The following SACM1L variants were observed in gnomAD, a reference collection of about 807,000 sequenced individuals.
SACM1L encodes the protein phosphatidylinositol-3-phosphatase SAC1.
A neutral mutation model predicts 89.5 loss-of-function variants in SACM1L; 32 were observed. That is an observed-to-expected ratio of 0.36 (90% CI 0.27 to 0.48). The LOEUF (loss-of-function observed/expected upper bound fraction) is 0.48. Among genes scored for constraint, SACM1L ranks in the 20% least tolerant of loss-of-function variants. The probability of loss-of-function intolerance (pLI) is 0.99; values close to 1 mark genes in which losing one functional copy is unlikely to be tolerated. For synonymous variants in SACM1L, 213 were observed against 232.8 expected (o/e 0.92, Z 0.77); for missense variants, 543 against 708.5 (o/e 0.77, Z 2.65).
chr3:45,695,997 C>CTTTTTT (rs56074379), intron 1 of SACM1L, among the ~76,000 whole-genome samples: 2 of 134,228 alleles, frequency 1.5e-5, no homozygotes, highest in Non-Finnish European at 3.2e-5. Flanking sequence ...TCAGAATTTC[C>CTTTTTT]TTTTTTTTTT....
At position 45,710,201 on chromosome 3, in the gene SACM1L, CT is replaced by C. The variant is rs556443344; in HGVS notation, c.483+567del. Among the ~76,000 whole-genome samples the C allele has an allele frequency of 6.0e-3, 848 of 142,204 alleles. 4 individuals carry two copies. The highest frequency in any genetic ancestry group is 0.017 in the African/African-American group (668 of 39,170). 93.3% of individuals were successfully genotyped at this position (142,204 alleles called of 152,430 possible). A position where few individuals can be genotyped will look rare whatever the true frequency, so the allele number is the denominator to read the frequency against. On this transcript the variant is annotated intron_variant, in intron 5 of 19. Transcript: ENST00000389061. ...TCCTTTTAAGGTTTTTTTTATTTTG[CT>C]TTTTTTTTTTTTCTTTGAGACAGAG...
chr3:45,692,222 C>G (rs190572596), intron 1 of SACM1L, among the ~76,000 whole-genome samples: 5 of 152,260 alleles, frequency 3.3e-5, no homozygotes, highest in Admixed American at 3.3e-4. Context: ...GTTTTGTGTC[C>G]TGGGCATAGT....
chr3:45,692,927 C>G (rs1309225134), intron 1 of SACM1L, among the ~76,000 whole-genome samples: 3 of 152,176 alleles, frequency 2.0e-5, no homozygotes, highest in Admixed American at 6.5e-5. Flanking sequence ...GTGACTCTTA[C>G]TGACAGAGAT....
chr3:45,731,501 A>C (rs1010723468), intron 12 of SACM1L, 121 bp downstream of exon 12: 21 of 514,450 alleles, frequency 4.1e-5, no homozygotes, highest in Non-Finnish European at 3.7e-5. Flanking sequence ...ATAGTAGATC[A>C]AAGCATGATA....
intron 11 of SACM1L, among the ~76,000 whole-genome samples, chr3:45,728,961 A>G (rs1698986850): frequency 6.6e-6 from 1 of 152,216 alleles, no homozygotes; most frequent in South Asian, 2.1e-4. Context: ...GATGTGAGCC[A>G]CCATTCCTGA....
intron 12 of SACM1L, 82 bp downstream of exon 12, chr3:45,731,462 G>C (rs921321320): frequency 2.1e-5 from 17 of 813,368 alleles, no homozygotes; most frequent in African/African-American, 3.6e-5. Context: ...GAGCTCACTA[G>C]ACATATGTTT....
At chr3:45,697,703 T>C (rs1483254884) in intron 1 of SACM1L, among the ~76,000 whole-genome samples, 2 of 152,348 alleles carry the variant, frequency 1.3e-5, no homozygotes, top group South Asian at 2.1e-4. Context: ...TCTTCCATAG[T>C]ATGTGTCTTA....
chr3:45,743,740 C>T lies in SACM1L; in HGVS notation c.*71C>T, dbSNP rs1478201105. ...CAGAACTGGAGTCTTTACTGACCCG[C>T]TTTCCACATCAGCCCAAGGTCTTTT... On this transcript the variant is annotated 3_prime_UTR_variant, in exon 20 of 20. Transcript: ENST00000389061. The T allele has an allele frequency of 1.3e-6, 2 of 1,507,048 alleles. No individual in the cohort carries two copies. Among genetic ancestry groups the T allele is most frequent in the East Asian group, 4.6e-5 (2 of 43,718 alleles). 93.4% of individuals were successfully genotyped at this position (1,507,048 alleles called of 1,614,324 possible). A position where few individuals can be genotyped will look rare whatever the true frequency, so the allele number is the denominator to read the frequency against.
At chr3:45,725,285 C>T (rs1698891584) in intron 11 of SACM1L, among the ~76,000 whole-genome samples, 1 of 138,096 alleles carries the variant, frequency 7.2e-6, no homozygotes, top group African/African-American at 2.8e-5. Context: ...TTGACTAGTA[C>T]TGTCGTCTTA....
At chr3:45,715,579 G>C (rs1320923547) in intron 7 of SACM1L, among the ~76,000 whole-genome samples, 1 of 152,168 alleles carries the variant, frequency 6.6e-6, no homozygotes, top group Non-Finnish European at 1.5e-5. Context: ...TTCGAGACCA[G>C]TCTGGACAAC....
At chr3:45,724,589 T>C (rs774993408) in intron 11 of SACM1L, among the ~76,000 whole-genome samples, 118 of 152,244 alleles carry the variant, frequency 7.8e-4, no homozygotes, top group Middle Eastern at 3.4e-3. Context: ...TCCCACTCTT[T>C]AGGTTGATTT....
At chr3:45,690,497 C>T (rs1697952382) in intron 1 of SACM1L, 1 of 152,170 alleles carries the variant, frequency 6.6e-6, no homozygotes, top group African/African-American at 2.4e-5. Context: ...GGAAATGACA[C>T]CAAAATGTGG....
At chr3:45,739,702 A>G in intron 19 of SACM1L, 58 bp downstream of exon 19, 1 of 1,524,168 alleles carries the variant, frequency 6.6e-7, no homozygotes, top group Non-Finnish European at 9.1e-7. Context: ...CTTTTACAAC[A>G]TCTTAAGTTT....
At chr3:45,691,013 G>A (rs1697974450) in intron 1 of SACM1L, among the ~76,000 whole-genome samples, 1 of 152,178 alleles carries the variant, frequency 6.6e-6, no homozygotes, top group Non-Finnish European at 1.5e-5. Flanking sequence ...TATGATGATT[G>A]TTTTTCAGCT....
intron 18 of SACM1L, 98 bp from the exon 19 acceptor site, chr3:45,739,485 CAGAT>C: frequency 2.0e-6 from 2 of 985,984 alleles, no homozygotes; most frequent in Non-Finnish European, 1.6e-6. Context: ...TATTAGCTGA[CAGAT>C]GAGTTTTATT....
intron 1 of SACM1L, among the ~76,000 whole-genome samples, chr3:45,694,571 C>T (rs1333925093): frequency 2.0e-5 from 3 of 152,138 alleles, no homozygotes; most frequent in Non-Finnish European, 2.9e-5. Flanking sequence ...CCTAGGCTCA[C>T]GTGGCTAGCC....
At chr3:45,701,898 G>T (rs2742438) in intron 1 of SACM1L, among the ~76,000 whole-genome samples, 73,397 of 151,894 alleles carry the variant, frequency 0.48, 18,259 homozygotes, top group Middle Eastern at 0.57. Context: ...TCCTAGAACC[G>T]TTCCTTTATT....
At chr3:45,739,094 A>G (rs570551799) in intron 18 of SACM1L, among the ~76,000 whole-genome samples, 10 of 152,342 alleles carry the variant, frequency 6.6e-5, no homozygotes, top group Admixed American at 2.6e-4. Flanking sequence ...ATGTGAAGTA[A>G]CATAAGCAAA....
At chr3:45,743,029 C>G (rs1699348708) in intron 19 of SACM1L, 2 of 152,200 alleles carry the variant, frequency 1.3e-5, no homozygotes, top group South Asian at 4.1e-4. Flanking sequence ...AAATACTCTA[C>G]AAAATATACA....
Sources: allele counts gnomAD v4.1 joint callset (sites outside exome capture counted in the v4.1 genomes callset), GRCh38; gene constraint gnomAD v4.1.1; transcripts MANE v1.5; gene names NCBI Gene and HGNC (gene_info 2026-07-23, HGNC 2026-07-21).